The following FAM13B variants were observed in gnomAD, a reference collection of about 807,000 sequenced individuals.
FAM13B encodes family with sequence similarity 13 member B, also known as protein FAM13B.
FAM13B carries 60 observed loss-of-function variants against 117.3 expected under a neutral mutation model. The ratio of observed to expected loss-of-function variants is 0.51; its 90% CI spans 0.42 to 0.63. FAM13B has a LOEUF of 0.63. FAM13B is among the 30% of genes least tolerant of loss of function. FAM13B has a pLI of 0.00. For missense variants in FAM13B, 972 were observed against 1,091.9 expected (o/e 0.89, Z 1.55); for synonymous variants, 332 against 356.1 (o/e 0.93, Z 0.76).
intron 1 of FAM13B, among the ~76,000 whole-genome samples, chr5:138,027,558 T>C (rs905123731): frequency 6.6e-6 from 1 of 152,194 alleles, no homozygotes; most frequent in Non-Finnish European, 1.5e-5. Context: ...ACAACAAAAG[T>C]GGCAAATATG....
At chr5:138,001,398 T>C (rs1781227688) in intron 7 of FAM13B, among the ~76,000 whole-genome samples, 1 of 152,198 alleles carries the variant, frequency 6.6e-6, no homozygotes, top group African/African-American at 2.4e-5. Context: ...TCATCCAAGG[T>C]AGATAATCAA....
At chr5:137,967,509 C>A (rs181159246) in intron 10 of FAM13B, among the ~76,000 whole-genome samples, 1 of 150,950 alleles carries the variant, frequency 6.6e-6, no homozygotes, top group Non-Finnish European at 1.5e-5. Flanking sequence ...GGAGACAAAC[C>A]GAGACTCTGT....
chr5:138,031,030 CA>C (rs767774753), intron 1 of FAM13B, among the ~76,000 whole-genome samples: 16 of 138,234 alleles, frequency 1.2e-4, no homozygotes, highest in South Asian at 2.3e-4. Context: ...TGCCCTGTCT[CA>C]AAAAAAAAAA....
chr5:137,993,868 C>T (rs1779236917), intron 7 of FAM13B, among the ~76,000 whole-genome samples: 1 of 152,238 alleles, frequency 6.6e-6, no homozygotes, highest in South Asian at 2.1e-4. Flanking sequence ...CACTCCAAAT[C>T]TCTAAAGTAG....
intron 17 of FAM13B, 109 bp downstream of exon 17, chr5:137,952,517 CAA>C: frequency 1.4e-6 from 1 of 709,440 alleles, no homozygotes; most frequent in Non-Finnish European, 2.2e-6. Context: ...TTATTTTTGT[CAA>C]ACAGTGCCCA....
chr5:137,962,291 G>C (rs1484621964), intron 11 of FAM13B, 114 bp downstream of exon 11: 1 of 798,994 alleles, frequency 1.3e-6, no homozygotes, highest in Non-Finnish European at 2.0e-6. Context: ...GGCTGTTTAA[G>C]ATTATCTAAA....
At position 138,004,331 on chromosome 5, in the gene FAM13B, T is replaced by A. The variant is rs910284891; in HGVS notation, c.848+2659A>T. Among the ~76,000 whole-genome samples, 7 of 152,120 alleles carry A rather than the reference T, an allele frequency of 4.6e-5. No homozygotes were observed. In the East Asian group the frequency reaches 1.4e-3, roughly 29 times the overall value. Reference sequence around the variant, plus strand: ...ATGACTGTGTTGGAGCAAAGGAGGATCCTCTACAAAACCAGACAGATGATC... The same window carrying A: ...ATGACTGTGTTGGAGCAAAGGAGGAACCTCTACAAAACCAGACAGATGATC... On this transcript the variant is annotated intron_variant, in intron 7 of 23. Coordinates refer to ENST00000689681, the MANE Select transcript of FAM13B (RefSeq NM_001385994.1).
At chr5:138,044,659 A>G (rs1169760326) in intron 1 of FAM13B, among the ~76,000 whole-genome samples, 3 of 152,206 alleles carry the variant, frequency 2.0e-5, no homozygotes, top group Admixed American at 6.6e-5. Flanking sequence ...GCTATTTTAC[A>G]TTTGACACCA....
intron 1 of FAM13B, among the ~76,000 whole-genome samples, chr5:138,047,295 G>C (rs888282431): frequency 6.6e-6 from 1 of 150,996 alleles, no homozygotes; most frequent in African/African-American, 2.4e-5. Context: ...TCATGAGGTC[G>C]GGATATCAAG....
At position 137,946,240 on chromosome 5, in the gene FAM13B, T is replaced by C. The variant is rs1763394164; in HGVS notation, c.2232A>G (p.Gln744=). 6.3e-7 allele frequency: 1 copy of C among 1,588,172 alleles called. No homozygotes were observed. Residue 744 remains glutamine, a synonymous_variant, in exon 19 of 24, where the codon CAA becomes CAG. Transcript: ENST00000689681. ...AGAGAGATATTACCGGCCTTCCATGTTGACTTTCATAGTAAAGAAGACTTT... is the reference window on the plus strand; with the variant it reads ...AGAGAGATATTACCGGCCTTCCATGCTGACTTTCATAGTAAAGAAGACTTT... ...LQKSLLYYES[Q]HGRPVTKEER...
intron 10 of FAM13B, among the ~76,000 whole-genome samples, chr5:137,974,859 G>T (rs1417937983): frequency 6.6e-6 from 1 of 151,980 alleles, no homozygotes; most frequent in Non-Finnish European, 1.5e-5. Context: ...TGGCTAAGAA[G>T]GGTTTCTACG....
chr5:138,034,995 C>CTTTTTTTTTTTTTTTTTTTTTTTTT (rs557807234), upstream of FAM13B, among the ~76,000 whole-genome samples: 29 of 34,378 alleles, frequency 8.4e-4, 13 homozygotes, highest in East Asian at 5.7e-3. Context: ...ATTCCCTTGC[C>CTTTTTTTTTTTTTTTTTTTTTTTTT]TTTTTTTTTT....
At chr5:137,951,162 A>G (rs1307383471) in intron 17 of FAM13B, among the ~76,000 whole-genome samples, 3 of 141,252 alleles carry the variant, frequency 2.1e-5, no homozygotes, top group Admixed American at 1.6e-4. Context: ...ATGAGCTAAG[A>G]TCGTGCCACT....
intron 22 of FAM13B, 43 bp downstream of exon 22, chr5:137,942,832 T>C (rs145471776): frequency 6.5e-7 from 1 of 1,550,268 alleles, no homozygotes; most frequent in Non-Finnish European, 8.7e-7. Flanking sequence ...GCATATACAT[T>C]TTATTATAAA....
rs138557750 is a variant in FAM13B, at chr5:138,022,335, T to A, written c.-202-1138A>T. On this transcript the variant is annotated intron_variant, in intron 1 of 23. Coordinates refer to ENST00000689681, the MANE Select transcript of FAM13B (RefSeq NM_001385994.1). ...TTTGTGAATTCTAATGGTATCATTATCCTCTGTGAATTCTAGTCATCTATT... is the reference window on the plus strand; with the variant it reads ...TTTGTGAATTCTAATGGTATCATTAACCTCTGTGAATTCTAGTCATCTATT... 2.9e-3 allele frequency among the ~76,000 whole-genome samples: 447 copies of A among 152,316 alleles called. 1 individual carries two copies. Among genetic ancestry groups the A allele is most frequent in the Non-Finnish European group, 5.0e-3 (342 of 68,028 alleles).
intron 10 of FAM13B, among the ~76,000 whole-genome samples, chr5:137,972,720 C>T (rs956842816): frequency 6.6e-6 from 1 of 151,452 alleles, no homozygotes; most frequent in Non-Finnish European, 1.5e-5. Flanking sequence ...CCCATTGTCT[C>T]AGCCCAAAAT....
intron 1 of FAM13B, chr5:138,039,463 T>A (rs199883239): frequency 3.7e-4 from 56 of 152,202 alleles, no homozygotes; most frequent in African/African-American, 1.4e-3. Flanking sequence ...GCACCTTTTT[T>A]TTCCCCTTTG....
rs376007574 is a variant in FAM13B at position 137,942,059 on chromosome 5, G to A, written c.2589-14C>T. On this transcript the variant is annotated splice_polypyrimidine_tract_variant and intron_variant, in intron 22 of 23. Coordinates refer to ENST00000689681, the MANE Select transcript of FAM13B (RefSeq NM_001385994.1). ...AATAATTCAGGCCTAGAATTGAAAT[G>A]GTAAAATACTGAAGGGCACACTTGA... is the stretch of plus-strand genomic sequence containing the variant. 7 of 1,592,660 alleles carry A rather than the reference G, an allele frequency of 4.4e-6. No individual in the cohort carries two copies. The African/African-American group carries it at 9.4e-5, about 21-fold the overall frequency.
At chr5:137,999,481 CAGA>C (rs1395321365) in intron 7 of FAM13B, among the ~76,000 whole-genome samples, 42 of 152,138 alleles carry the variant, frequency 2.8e-4, no homozygotes, top group African/African-American at 9.6e-4. Flanking sequence ...GAGGCTGAGG[CAGA>C]AGAATCGCTT....
Sources: allele counts gnomAD v4.1 joint callset (sites outside exome capture counted in the v4.1 genomes callset), GRCh38; gene constraint gnomAD v4.1.1; transcripts MANE v1.5; gene names NCBI Gene and HGNC (gene_info 2026-07-23, HGNC 2026-07-21).